GHR: variants seen among roughly 807,000 people sequenced by gnomAD.
GHR encodes GH receptor.
A neutral mutation model predicts 67.1 loss-of-function variants in GHR; 35 were observed. The ratio of observed to expected loss-of-function variants is 0.52; its 90% CI spans 0.40 to 0.69. The LOEUF is 0.69. Among genes scored for constraint, GHR ranks in the 30% least tolerant of loss-of-function variants. The pLI is 0.00. For synonymous variants in GHR, 272 were observed against 269.1 expected (o/e 1.01, Z -0.10); for missense variants, 792 against 764.6 (o/e 1.04, Z -0.42).
chr5:42,624,366 T>C (rs769212212), intron 2 of GHR, among the ~76,000 whole-genome samples: 4 of 152,198 alleles, frequency 2.6e-5, no homozygotes, highest in Non-Finnish European at 5.9e-5. Flanking sequence ...ACTTTACTGC[T>C]GATGTTAGGC....
intron 1 of GHR, among the ~76,000 whole-genome samples, chr5:42,536,418 T>G (rs58570395): frequency 0.29 from 43,576 of 152,036 alleles, 7,120 homozygotes; most frequent in African/African-American, 0.42. Context: ...TCTTTTGAGA[T>G]GATCATGTGA....
intron 1 of GHR, among the ~76,000 whole-genome samples, chr5:42,459,307 A>G (rs1352613650): frequency 6.6e-6 from 1 of 152,240 alleles, no homozygotes; most frequent in Non-Finnish European, 1.5e-5. Flanking sequence ...TGTGATACAT[A>G]TATACCATGG....
intron 4 of GHR, among the ~76,000 whole-genome samples, chr5:42,692,142 T>C (rs1757450135): frequency 2.6e-5 from 4 of 152,116 alleles, no homozygotes; most frequent in Admixed American, 1.3e-4. Flanking sequence ...ATTACTTTCA[T>C]TTTTCTTTAA....
chr5:42,523,282 T>C, intron 1 of GHR, among the ~76,000 whole-genome samples: 1 of 152,206 alleles, frequency 6.6e-6, no homozygotes. Context: ...TATACAGGTA[T>C]ACATCATTTT....
At chr5:42,486,964 A>G (rs576324541) in intron 1 of GHR, among the ~76,000 whole-genome samples, 28 of 152,302 alleles carry the variant, frequency 1.8e-4, no homozygotes, top group African/African-American at 6.0e-4. Flanking sequence ...AATACGAGAT[A>G]GTTTCTCCAG....
chr5:42,433,358 T>A (rs6451618), intron 1 of GHR, among the ~76,000 whole-genome samples: 2 of 151,962 alleles, frequency 1.3e-5, no homozygotes, highest in Admixed American at 1.3e-4. Context: ...ATAAATAAGT[T>A]TTTTTTTAAA....
chr5:42,486,802 G>A (rs986759484), intron 1 of GHR, among the ~76,000 whole-genome samples: 5 of 150,294 alleles, frequency 3.3e-5, no homozygotes, highest in African/African-American at 4.9e-5. Flanking sequence ...AGCGGAGATC[G>A]CGCCACTGCA....
At chr5:42,479,906 A>G (rs933231367) in intron 1 of GHR, among the ~76,000 whole-genome samples, 1 of 151,496 alleles carries the variant, frequency 6.6e-6, no homozygotes, top group African/African-American at 2.4e-5. Context: ...CTTTGATCTT[A>G]GTTATTTCTT....
At chr5:42,673,586 C>T (rs917524967) in intron 3 of GHR, among the ~76,000 whole-genome samples, 8 of 152,106 alleles carry the variant, frequency 5.3e-5, no homozygotes, top group African/African-American at 1.7e-4. Context: ...GGATACTACA[C>T]AGCAATAAAA....
At chr5:42,569,718 T>C (rs1579958253) in intron 2 of GHR, among the ~76,000 whole-genome samples, 1 of 152,182 alleles carries the variant, frequency 6.6e-6, no homozygotes, top group East Asian at 1.9e-4. Flanking sequence ...ACATACACTA[T>C]ATGTACACAT....
At chr5:42,704,969 C>G (rs886704139) in intron 6 of GHR, among the ~76,000 whole-genome samples, 1 of 151,778 alleles carries the variant, frequency 6.6e-6, no homozygotes, top group Non-Finnish European at 1.5e-5. Flanking sequence ...AAACTTGTTT[C>G]ATTAATCTTT....
chr5:42,617,386 A>ACG (rs1554027177), intron 2 of GHR, among the ~76,000 whole-genome samples: 8 of 384 alleles, frequency 0.021, no homozygotes, highest in African/African-American at 0.049. Flanking sequence ...AGTTCATTTT[A>ACG]CACACACACA....
At chr5:42,556,395 C>T (rs1749312297) in intron 1 of GHR, among the ~76,000 whole-genome samples, 3 of 151,906 alleles carry the variant, frequency 2.0e-5, no homozygotes, top group South Asian at 2.1e-4. Flanking sequence ...TTAGGTAAAA[C>T]AAAATTTTCA....
At chr5:42,440,742 A>T (rs1009922257) in intron 1 of GHR, among the ~76,000 whole-genome samples, 1 of 152,180 alleles carries the variant, frequency 6.6e-6, no homozygotes, top group African/African-American at 2.4e-5. Flanking sequence ...GGTAGCTTGG[A>T]CCAGGGTGAT....
At chr5:42,591,916 G>A (rs1751799048) in intron 2 of GHR, among the ~76,000 whole-genome samples, 2 of 152,256 alleles carry the variant, frequency 1.3e-5, no homozygotes, top group African/African-American at 4.8e-5. Context: ...AGGACCAGCA[G>A]TCCAAAGGCC....
At chr5:42,535,331 T>C (rs1397799133) in intron 1 of GHR, among the ~76,000 whole-genome samples, 2 of 152,128 alleles carry the variant, frequency 1.3e-5, no homozygotes, top group Non-Finnish European at 2.9e-5. Context: ...GTAGATTTTT[T>C]GTATGAGGTA....
chr5:42,614,822 A>G (rs142204671), intron 2 of GHR, among the ~76,000 whole-genome samples: 2 of 152,120 alleles, frequency 1.3e-5, no homozygotes, highest in East Asian at 3.9e-4. Context: ...AAAGTCTAGG[A>G]CAGAATTTTT....
intron 3 of GHR, among the ~76,000 whole-genome samples, chr5:42,658,114 A>T (rs973404550): frequency 6.6e-6 from 1 of 152,128 alleles, no homozygotes; most frequent in Non-Finnish European, 1.5e-5. Context: ...GAAGTACAAA[A>T]CTATCTCAAA....
intron 2 of GHR, among the ~76,000 whole-genome samples, chr5:42,616,055 T>C (rs1023353594): frequency 6.6e-6 from 1 of 152,056 alleles, no homozygotes; most frequent in Non-Finnish European, 1.5e-5. Context: ...ATACTAATGA[T>C]TTGTGATCAT....
Sources: gnomAD v4.1 joint callset for allele counts (sites outside exome capture counted in the v4.1 genomes callset) on GRCh38, gnomAD v4.1.1 for gene constraint, MANE v1.5 for transcripts, NCBI Gene and HGNC (gene_info 2026-07-23, HGNC 2026-07-21) for gene names.